SMPDL3B: variants seen among roughly 807,000 people sequenced by gnomAD.
The protein encoded by SMPDL3B is acid sphingomyelinase-like phosphodiesterase 3b.
A neutral mutation model predicts 37.9 loss-of-function variants in SMPDL3B; 31 were observed. The observed-to-expected ratio is 0.82, with a 90% CI of 0.61 to 1.10. The LOEUF is 1.10. Among genes scored for constraint, SMPDL3B ranks in the 50% least tolerant of loss-of-function variants. The pLI is 0.00. For missense variants in SMPDL3B, 525 were observed against 597.8 expected (o/e 0.88, Z 1.27); for synonymous variants, 235 against 242.6 (o/e 0.97, Z 0.29).
At chr1:27,938,148 C>T (rs11247729) in intron 1 of SMPDL3B, among the ~76,000 whole-genome samples, 1 of 152,088 alleles carries the variant, frequency 6.6e-6, no homozygotes, top group Admixed American at 6.5e-5. Context: ...CACCTGTTCA[C>T]CAAAGCTGTT....
At chr1:27,956,326 GC>G in intron 7 of SMPDL3B, 1 of 1,447,806 alleles carries the variant, frequency 6.9e-7, no homozygotes, top group Non-Finnish European at 9.1e-7. Flanking sequence ...TGGTCTCCCT[GC>G]CTCTGGCCCT....
At chr1:27,937,036 AAACAAAC>A in intron 1 of SMPDL3B, among the ~76,000 whole-genome samples, 1 of 152,014 alleles carries the variant, frequency 6.6e-6, no homozygotes, top group Admixed American at 6.6e-5. Flanking sequence ...ACAAACAAAC[AAACAAAC>A]AACAACAAAA....
chr1:27,958,738 ACG>A lies in SMPDL3B; in HGVS notation c.1270_1271del (p.Ala424LeufsTer44). On this transcript the variant is annotated frameshift_variant, in exon 8 of 8. Transcript: ENST00000373894. LOFTEE classifies it low-confidence loss of function (END_TRUNC). The surrounding 1 kb of genome is among the most constrained non-coding windows in gnomAD (Gnocchi z 5.6). ...TGTGCCATGCGCCAGGTGGACATTG[ACG>A]CTTACACCACCTGTCTGTATGCCTC... 6.2e-7 allele frequency: 1 copy of A among 1,613,668 alleles called. No individual in the cohort carries two copies. Among genetic ancestry groups the A allele is most frequent in the Non-Finnish European group, 8.5e-7 (1 of 1,180,006 alleles).
At chr1:27,941,174 A>C (rs1320378189) in intron 1 of SMPDL3B, among the ~76,000 whole-genome samples, 3 of 152,202 alleles carry the variant, frequency 2.0e-5, no homozygotes, top group Non-Finnish European at 4.4e-5. Flanking sequence ...TATGGAAAGC[A>C]TGTATTTATT....
In SMPDL3B at chr1:27,958,348, T is replaced by A; in HGVS notation, c.1006-128T>A. ...CTGCCAAGCACAATGGGTGCACAGC[T>A]AAGTGCTCAATAACTACTAGTGGTC... On this transcript the variant is annotated intron_variant, in intron 7 of 7. Transcript: ENST00000373894. The surrounding 1 kb of genome is among the most constrained non-coding windows in gnomAD (Gnocchi z 5.6). 1.6e-6 allele frequency: 2 copies of A among 1,261,666 alleles called. No homozygotes were observed. Among genetic ancestry groups the A allele is most frequent in the African/African-American group, 1.5e-5 (1 of 67,014 alleles). The allele number at this position is 1,261,666 out of a possible 1,614,324, so 78.2% of individuals were successfully genotyped here.
chr1:27,942,573 G>A (rs2090369603), intron 1 of SMPDL3B, among the ~76,000 whole-genome samples: 1 of 152,196 alleles, frequency 6.6e-6, no homozygotes, highest in Admixed American at 6.5e-5. Flanking sequence ...CCGCCTCCTG[G>A]GTTCAAGCGA....
chr1:27,953,191 T>G, intron 3 of SMPDL3B, 24 bp from the exon 4 acceptor site: 1 of 1,599,920 alleles, frequency 6.3e-7, no homozygotes, highest in Non-Finnish European at 8.5e-7. Flanking sequence ...ATATATATTT[T>G]GATATTTCAC....
Position 27,935,106 on chromosome 1 carries a change from A to C in SMPDL3B, c.-78A>C. On this transcript the variant is annotated 5_prime_UTR_variant, in exon 1 of 8. Coordinates refer to ENST00000373894, the MANE Select transcript of SMPDL3B (RefSeq NM_014474.4). ...TTCTGCTCAGGCACGTGGCCACAGA[A>C]AACTACTTAGGAAGCCTGTGGTGAG... is the stretch of plus-strand genomic sequence containing the variant. 1 of 1,194,326 alleles carries C rather than the reference A, an allele frequency of 8.4e-7. No homozygotes were observed. The highest frequency in any genetic ancestry group is 2.4e-5 in the East Asian group (1 of 41,916). The allele number at this position is 1,194,326 out of a possible 1,614,324, so 74.0% of individuals were successfully genotyped here.
intron 1 of SMPDL3B, among the ~76,000 whole-genome samples, chr1:27,942,565 G>A (rs543835219): frequency 6.6e-6 from 1 of 152,298 alleles, no homozygotes; most frequent in East Asian, 1.9e-4. Context: ...TGCAACCTCC[G>A]CCTCCTGGGT....
chr1:27,941,631 G>C (rs995834499), intron 1 of SMPDL3B: 1 of 152,686 alleles, frequency 6.5e-6, no homozygotes, highest in Non-Finnish European at 1.5e-5. Flanking sequence ...AAGAAATAGC[G>C]ACCAGACAGG....
intron 1 of SMPDL3B, among the ~76,000 whole-genome samples, chr1:27,944,595 A>AC (rs1448661853): frequency 6.6e-6 from 1 of 152,082 alleles, no homozygotes; most frequent in African/African-American, 2.4e-5. Flanking sequence ...GCCTCAAAGA[A>AC]TCATCTTACC....
chr1:27,950,614 C>G (rs943584325), intron 3 of SMPDL3B, among the ~76,000 whole-genome samples: 1 of 152,040 alleles, frequency 6.6e-6, no homozygotes, highest in African/African-American at 2.4e-5. Flanking sequence ...CCACCACGCC[C>G]TACTAATTAT....
rs753015151 is a variant in SMPDL3B, at chr1:27,955,857, T to C, written c.864T>C (p.Asp288=). 52 of 1,613,230 alleles carry C rather than the reference T, an allele frequency of 3.2e-5. No individual in the cohort carries two copies. In the East Asian group the frequency reaches 1.1e-3, roughly 35 times the overall value. The part of the protein sequence containing the change: ...HHTDSFRMLY[D]DAGVPISAMF... ...CCGACAGCTTTCGGATGCTCTATGA[T>C]GATGCAGGTATTCAACCTGGAGGGC... Residue 288 remains aspartate, a synonymous_variant, in exon 6 of 8, where the codon GAT becomes GAC. Transcript: ENST00000373894.
At position 27,935,157 on chromosome 1, in the gene SMPDL3B, A is replaced by T. The variant is rs758249076; in HGVS notation, c.-27A>T. On this transcript the variant is annotated 5_prime_UTR_variant, in exon 1 of 8. Coordinates refer to ENST00000373894, the MANE Select transcript of SMPDL3B (RefSeq NM_014474.4). ...AACAACAACAGTGCCTGAGAATCCC[A>T]CGGCTCTGGGGAAGTGAGCCCCGAG... 1 of 1,602,200 alleles carries T rather than the reference A, an allele frequency of 6.2e-7. No individual in the cohort carries two copies. Among genetic ancestry groups the T allele is most frequent in the Non-Finnish European group, 8.6e-7 (1 of 1,169,354 alleles).
intron 7 of SMPDL3B, among the ~76,000 whole-genome samples, chr1:27,957,879 G>A (rs1638336567): frequency 6.6e-6 from 1 of 152,208 alleles, no homozygotes; most frequent in Non-Finnish European, 1.5e-5. Context: ...CAGGGTTTGA[G>A]GAGGACTACA....
At chr1:27,942,194 G>C (rs1000333192) in intron 1 of SMPDL3B, 2 of 419,508 alleles carry the variant, frequency 4.8e-6, no homozygotes, top group Non-Finnish European at 9.8e-6. Context: ...GACGTCAAAG[G>C]GGCCAAACTG....
intron 1 of SMPDL3B, chr1:27,941,371 G>A (rs1377810330): frequency 6.6e-6 from 1 of 152,148 alleles, no homozygotes; most frequent in East Asian, 1.9e-4. Context: ...GAAAGTCTGG[G>A]CACCTATCCA....
At position 27,958,347 on chromosome 1, in the gene SMPDL3B, C is replaced by A; in HGVS notation, c.1006-129C>A. ...TCTGCCAAGCACAATGGGTGCACAGCTAAGTGCTCAATAACTACTAGTGGT... is the reference window on the plus strand; with the variant it reads ...TCTGCCAAGCACAATGGGTGCACAGATAAGTGCTCAATAACTACTAGTGGT... On this transcript the variant is annotated intron_variant, in intron 7 of 7. Transcript: ENST00000373894. This position sits in a 1 kb window ranked among gnomAD's most constrained non-coding sequence, Gnocchi z 5.6. 1 of 1,257,658 alleles carries A rather than the reference C, an allele frequency of 8.0e-7. No homozygotes were observed. The highest frequency in any genetic ancestry group is 1.1e-6 in the Non-Finnish European group (1 of 910,108). 77.9% of individuals were successfully genotyped at this position (1,257,658 alleles called of 1,614,324 possible). A position where few individuals can be genotyped will look rare whatever the true frequency, so the allele number is the denominator to read the frequency against.
chr1:27,938,665 G>A (rs543352358), intron 1 of SMPDL3B, among the ~76,000 whole-genome samples: 3 of 152,322 alleles, frequency 2.0e-5, no homozygotes, highest in South Asian at 2.1e-4. Context: ...ATGATGGGGC[G>A]AAAGCCTTAG....
Sources: gnomAD v4.1 joint callset for allele counts (sites outside exome capture counted in the v4.1 genomes callset) on GRCh38, gnomAD v4.1.1 for gene constraint, Gnocchi (gnomAD v3.1) non-coding constraint, MANE v1.5 for transcripts, NCBI Gene and HGNC (gene_info 2026-07-23, HGNC 2026-07-21) for gene names.